BNC2: variants seen among roughly 807,000 people sequenced by gnomAD.
BNC2 encodes the protein zinc finger protein basonuclin-2.
In BNC2, 20 loss-of-function variants were observed where a neutral mutation model predicts 76.3. The observed-to-expected ratio is 0.26, with a 90% CI of 0.18 to 0.38. The LOEUF (loss-of-function observed/expected upper bound fraction) is 0.38. Ranked by LOEUF, BNC2 falls within the 10% of genes least tolerant of loss-of-function variation. The pLI, the probability that BNC2 is intolerant of heterozygous loss-of-function variation, is 1.00. For synonymous variants in BNC2, 582 were observed against 514.8 expected (o/e 1.13, Z -1.77); for missense variants, 1,382 against 1,399.8 (o/e 0.99, Z 0.20).
rs570670505 is a variant in BNC2, at chr9:16,770,899, G to A, written c.4-32414C>T. Among the ~76,000 whole-genome samples the A allele has an allele frequency of 5.9e-5, 9 of 152,154 alleles. 1 individual carries two copies. The highest frequency in any genetic ancestry group is 2.1e-4 in the South Asian group (1 of 4,808). On this transcript the variant is annotated intron_variant, in intron 1 of 6. Transcript: ENST00000380672. ...AAAAGAAAAGAAAAGGGCTGGGCTC[G>A]GTGGCTCACGCCTATAATCCCAGCA...
At chr9:16,523,343 C>T (rs778635194) in intron 5 of BNC2, among the ~76,000 whole-genome samples, 53 of 151,730 alleles carry the variant, frequency 3.5e-4, no homozygotes, top group African/African-American at 7.7e-4. Flanking sequence ...GGGTGGCAGG[C>T]GCCTGTGGTC....
intron 5 of BNC2, among the ~76,000 whole-genome samples, chr9:16,447,196 A>C (rs538394281): frequency 1.2e-4 from 19 of 152,272 alleles, no homozygotes; most frequent in African/African-American, 4.1e-4. Context: ...CTTTAAAATC[A>C]AATTACCTAT....
intron 4 of BNC2, chr9:16,579,866 G>T: frequency 2.7e-6 from 1 of 371,578 alleles, no homozygotes; most frequent in Non-Finnish European, 4.8e-6. Context: ...GAGAATACAT[G>T]ATTTTGGCAT....
chr9:16,567,419 T>G (rs1261367767), intron 4 of BNC2, among the ~76,000 whole-genome samples: 1 of 151,974 alleles, frequency 6.6e-6, no homozygotes, highest in African/African-American at 2.4e-5. Context: ...TGGGGGTGGG[T>G]GAGGGGTAGT....
At chr9:16,743,589 G>A (rs994912089) in intron 1 of BNC2, among the ~76,000 whole-genome samples, 1 of 152,162 alleles carries the variant, frequency 6.6e-6, no homozygotes, top group African/African-American at 2.4e-5. Flanking sequence ...AGCTGTGTGT[G>A]CTCCAGCCCC....
At chr9:16,567,775 T>A (rs1373794295) in intron 4 of BNC2, among the ~76,000 whole-genome samples, 2 of 152,176 alleles carry the variant, frequency 1.3e-5, no homozygotes, top group African/African-American at 4.8e-5. Context: ...AATATGCTCA[T>A]TTCAGGTCCT....
chr9:16,803,481 T>C (rs1037211232), intron 1 of BNC2, among the ~76,000 whole-genome samples: 29 of 152,192 alleles, frequency 1.9e-4, no homozygotes, highest in African/African-American at 7.0e-4. Context: ...ACATGAGACA[T>C]TGTGAATATT....
chr9:16,763,396 C>T (rs1346856581), intron 1 of BNC2, among the ~76,000 whole-genome samples: 1 of 149,658 alleles, frequency 6.7e-6, no homozygotes, highest in African/African-American at 2.5e-5. Flanking sequence ...ATGACAAAAC[C>T]CCATCTCTAC....
chr9:16,759,874 C>T (rs1049049858), intron 1 of BNC2, among the ~76,000 whole-genome samples: 1 of 152,100 alleles, frequency 6.6e-6, no homozygotes, highest in Non-Finnish European at 1.5e-5. Context: ...CAGGCACCTG[C>T]CACCACGCCC....
chr9:16,581,488 T>C (rs914274610), intron 4 of BNC2, among the ~76,000 whole-genome samples: 1 of 151,630 alleles, frequency 6.6e-6, no homozygotes, highest in African/African-American at 2.4e-5. Flanking sequence ...AACCCGGGAG[T>C]TGGAGGTTGC....
intron 3 of BNC2, among the ~76,000 whole-genome samples, chr9:16,694,617 A>C (rs1377066989): frequency 6.6e-6 from 1 of 152,170 alleles, no homozygotes; most frequent in Non-Finnish European, 1.5e-5. Flanking sequence ...CAAGGCTCAT[A>C]ATGTAGCATG....
chr9:16,487,695 G>T (rs1822194601), intron 5 of BNC2, among the ~76,000 whole-genome samples: 2 of 152,222 alleles, frequency 1.3e-5, no homozygotes, highest in Admixed American at 1.3e-4. Context: ...TCACTCTTAA[G>T]ATTCCAGTAA....
chr9:16,837,214 C>T (rs1355104833), intron 1 of BNC2, among the ~76,000 whole-genome samples: 1 of 152,118 alleles, frequency 6.6e-6, no homozygotes, highest in Non-Finnish European at 1.5e-5. Flanking sequence ...TCTTAGAAAA[C>T]CATAATTCTG....
Position 16,655,789 on chromosome 9 carries a change from C to T in BNC2, c.330+72008G>A, listed in dbSNP as rs569586831. On this transcript the variant is annotated intron_variant, in intron 3 of 6. Coordinates refer to ENST00000380672, the MANE Select transcript of BNC2 (RefSeq NM_017637.6). The stretch of plus-strand genomic sequence containing the variant: ...AAAATTCTCCACAATTGCTGACTTT[C>T]CTTTCTCATTTGTCTAGAGCAGCAG... Among the ~76,000 whole-genome samples, 4 of 152,296 alleles carry T rather than the reference C, an allele frequency of 2.6e-5. No homozygotes were observed. In the South Asian group the frequency reaches 6.2e-4, roughly 24 times the overall value.
At chr9:16,700,351 C>T (rs1823473162) in intron 3 of BNC2, among the ~76,000 whole-genome samples, 1 of 152,066 alleles carries the variant, frequency 6.6e-6, no homozygotes. Context: ...GATAGCAAGA[C>T]CCCATATCTA....
intron 1 of BNC2, among the ~76,000 whole-genome samples, chr9:16,843,015 C>A (rs4961498): frequency 0.42 from 63,193 of 152,048 alleles, 13,787 homozygotes; most frequent in African/African-American, 0.51. Flanking sequence ...TTTCAAAATT[C>A]AAAGTTTTTT....
chr9:16,474,257 A>T (rs1358967660), intron 5 of BNC2, among the ~76,000 whole-genome samples: 3 of 152,172 alleles, frequency 2.0e-5, no homozygotes, highest in Non-Finnish European at 2.9e-5. Context: ...AAATAAATTA[A>T]CTCCACATAC....
intron 1 of BNC2, among the ~76,000 whole-genome samples, chr9:16,829,661 C>T (rs143666281): frequency 3.4e-4 from 52 of 152,234 alleles, no homozygotes; most frequent in African/African-American, 1.2e-3. Flanking sequence ...AACAAAACGG[C>T]AATTCTACAA....
chr9:16,570,315 T>C (rs1016331618), intron 4 of BNC2, among the ~76,000 whole-genome samples: 1 of 152,216 alleles, frequency 6.6e-6, no homozygotes, highest in Admixed American at 6.6e-5. Context: ...GAAAAATGAA[T>C]GTCACCTTTG....
Sources: allele counts gnomAD v4.1 joint callset (sites outside exome capture counted in the v4.1 genomes callset), GRCh38; gene constraint gnomAD v4.1.1; transcripts MANE v1.5; gene names NCBI Gene and HGNC (gene_info 2026-07-23, HGNC 2026-07-21).